PTPRR: variants seen among roughly 807,000 people sequenced by gnomAD.
PTPRR encodes protein tyrosine phosphatase receptor type R, also known as receptor-type tyrosine-protein phosphatase R.
A neutral mutation model predicts 77.2 loss-of-function variants in PTPRR; 38 were observed. The ratio of observed to expected loss-of-function variants is 0.49; its 90% CI spans 0.38 to 0.65. The LOEUF is 0.65. Among genes scored for constraint, PTPRR ranks in the 30% least tolerant of loss-of-function variants. PTPRR has a pLI of 0.00. For missense variants in PTPRR, 744 were observed against 799.2 expected (o/e 0.93, Z 0.83); for synonymous variants, 299 against 283.1 (o/e 1.06, Z -0.57).
At chr12:70,654,740 C>A (rs1177876092) in intron 13 of PTPRR, among the ~76,000 whole-genome samples, 1 of 152,148 alleles carries the variant, frequency 6.6e-6, no homozygotes, top group Non-Finnish European at 1.5e-5. Flanking sequence ...GCAGAAAATT[C>A]TTGTTTAATG....
At chr12:70,889,576 C>A (rs1253562854) in intron 2 of PTPRR, among the ~76,000 whole-genome samples, 1 of 152,116 alleles carries the variant, frequency 6.6e-6, no homozygotes, top group East Asian at 1.9e-4. Flanking sequence ...ATATGTTGAT[C>A]TGGGTGAGTG....
intron 13 of PTPRR, among the ~76,000 whole-genome samples, chr12:70,649,524 TTTCTC>T (rs1886318387): frequency 6.6e-6 from 1 of 152,138 alleles, no homozygotes; most frequent in Admixed American, 6.5e-5. Flanking sequence ...GGTTCTGTCT[TTTCTC>T]TCTCTTATTA....
Position 70,656,710 on chromosome 12 carries a change from A to G in PTPRR, c.1874T>C (p.Met625Thr). 6.2e-7 allele frequency: 1 copy of G among 1,611,868 alleles called. No individual in the cohort carries two copies. Among genetic ancestry groups the G allele is most frequent in the Non-Finnish European group, 8.5e-7 (1 of 1,177,986 alleles). Residue 625 changes from methionine (M) to threonine (T), a missense_variant, in exon 13 of 14, where the codon ATG becomes ACG. Met to Thr is a moderately conservative substitution (Grantham distance 81). Coordinates refer to ENST00000283228, the MANE Select transcript of PTPRR (RefSeq NM_002849.4). Reference protein sequence around the residue: ...DALSIVCQLRMDRGGMVQTSE... With the variant: ...DALSIVCQLRTDRGGMVQTSE... ...AAGCCTCTGTGACACTCACCTATCC[A>G]TACGAAGCTGGCAGACAATGCTTAG...
At chr12:70,794,547 G>A (rs11178428) in intron 2 of PTPRR, among the ~76,000 whole-genome samples, 3,453 of 152,224 alleles carry the variant, frequency 0.023, 83 homozygotes, top group African/African-American at 0.059. Flanking sequence ...ACCAAACGAA[G>A]CCTTTACGAC....
chr12:70,828,802 T>A (rs931211415), intron 2 of PTPRR, among the ~76,000 whole-genome samples: 2 of 152,216 alleles, frequency 1.3e-5, no homozygotes, highest in Non-Finnish European at 2.9e-5. Flanking sequence ...ATAAACCACT[T>A]AATGTTGATA....
intron 10 of PTPRR, among the ~76,000 whole-genome samples, chr12:70,682,290 G>A (rs920119482): frequency 1.3e-5 from 2 of 151,654 alleles, no homozygotes; most frequent in South Asian, 2.1e-4. Flanking sequence ...TGATCCGCCC[G>A]CCTCGGCCTC....
At chr12:70,845,704 C>A (rs751181086) in intron 2 of PTPRR, among the ~76,000 whole-genome samples, 17 of 152,088 alleles carry the variant, frequency 1.1e-4, no homozygotes, top group Non-Finnish European at 4.4e-5. Context: ...GATTCAGCAC[C>A]TAGTAGTTAT....
At chr12:70,747,437 C>T (rs891470028) in intron 5 of PTPRR, among the ~76,000 whole-genome samples, 3 of 152,144 alleles carry the variant, frequency 2.0e-5, no homozygotes, top group Admixed American at 6.5e-5. Context: ...CTCTTCACAT[C>T]TAAATATAAT....
At chr12:70,759,703 A>AG in intron 4 of PTPRR, among the ~76,000 whole-genome samples, 1 of 150,336 alleles carries the variant, frequency 6.7e-6, no homozygotes, top group East Asian at 1.9e-4. Context: ...AAAAAAAAAA[A>AG]AAACAAACGA....
At chr12:70,795,780 T>C (rs1214686645) in intron 2 of PTPRR, among the ~76,000 whole-genome samples, 1 of 152,136 alleles carries the variant, frequency 6.6e-6, no homozygotes, top group Non-Finnish European at 1.5e-5. Context: ...TGCATCTTAT[T>C]TGATGTGCAT....
chr12:70,694,024 T>C (rs1888144045), intron 8 of PTPRR, among the ~76,000 whole-genome samples: 1 of 152,158 alleles, frequency 6.6e-6, no homozygotes, highest in Admixed American at 6.5e-5. Flanking sequence ...ATCACTACTT[T>C]TGGGAATAAA....
chr12:70,913,991 A>C (rs778314495), intron 1 of PTPRR, among the ~76,000 whole-genome samples: 1 of 152,174 alleles, frequency 6.6e-6, no homozygotes, highest in East Asian at 1.9e-4. Flanking sequence ...GGTTAAGTAC[A>C]TTGACAGGGG....
At chr12:70,899,506 C>A (rs904654940) in intron 1 of PTPRR, among the ~76,000 whole-genome samples, 4 of 151,318 alleles carry the variant, frequency 2.6e-5, no homozygotes, top group Admixed American at 6.6e-5. Context: ...AACTATTTGA[C>A]AAAATTCATG....
At chr12:70,717,531 A>G (rs1350650934) in intron 6 of PTPRR, among the ~76,000 whole-genome samples, 1 of 152,204 alleles carries the variant, frequency 6.6e-6, no homozygotes, top group African/African-American at 2.4e-5. Flanking sequence ...ACACAAGCAC[A>G]AGACTCGCCC....
At position 70,920,714 on chromosome 12, in the gene PTPRR, C is replaced by CA. The variant is rs1893845171; in HGVS notation, c.-325dup. The CA allele has an allele frequency of 6.3e-6, 2 of 316,584 alleles. No individual in the cohort carries two copies. The highest frequency in any genetic ancestry group is 7.9e-5 in the Admixed American group (2 of 25,428). 19.6% of individuals were successfully genotyped at this position (316,584 alleles called of 1,614,324 possible). ...ACTCCGCGCCAGCCCAGCAGCCCAG[C>CA]AGCAGCGCCGCGGCTACTGAGCATG... On this transcript the variant is annotated 5_prime_UTR_variant, in exon 1 of 14. An upstream open reading frame in the 5' UTR gains an earlier in-frame stop. Coordinates refer to ENST00000283228, the MANE Select transcript of PTPRR (RefSeq NM_002849.4).
chr12:70,703,963 GA>G (rs1220267598), intron 6 of PTPRR, among the ~76,000 whole-genome samples: 5 of 151,872 alleles, frequency 3.3e-5, no homozygotes, highest in East Asian at 1.9e-4. Flanking sequence ...AATCTGGTAG[GA>G]AAAAAAGTGT....
At chr12:70,700,264 T>C (rs1292484704) in intron 7 of PTPRR, among the ~76,000 whole-genome samples, 2 of 152,180 alleles carry the variant, frequency 1.3e-5, no homozygotes, top group Non-Finnish European at 2.9e-5. Context: ...CCAATACGGC[T>C]TAAGATGCAA....
chr12:70,693,048 G>C (rs192876626), intron 8 of PTPRR, among the ~76,000 whole-genome samples: 24 of 152,208 alleles, frequency 1.6e-4, no homozygotes, highest in African/African-American at 5.3e-4. Context: ...TTAGCAAAGA[G>C]GACAAGAAAT....
rs566989894 is a variant in PTPRR, at chr12:70,754,829, TAG to T, written c.628-530_628-529del. On this transcript the variant is annotated intron_variant, in intron 4 of 13. Coordinates refer to ENST00000283228, the MANE Select transcript of PTPRR (RefSeq NM_002849.4). ...AATCACATCTTTTTTTTTTTTCAAA[TAG>T]AGTCTCTGCTGTCAAAACCTGACTA... 210 of 1,238,710 alleles carry T rather than the reference TAG, an allele frequency of 1.7e-4. No homozygotes were observed. The African/African-American group carries it at 2.8e-3, about 17-fold the overall frequency. 76.7% of individuals were successfully genotyped at this position (1,238,710 alleles called of 1,614,324 possible). A position where few individuals can be genotyped will look rare whatever the true frequency, so the allele number is the denominator to read the frequency against.
Sources: gnomAD v4.1 joint callset for allele counts (sites outside exome capture counted in the v4.1 genomes callset) on GRCh38, gnomAD v4.1.1 for gene constraint, MANE v1.5 for transcripts, NCBI Gene and HGNC (gene_info 2026-07-23, HGNC 2026-07-21) for gene names.